The following MICAL2 variants were observed in gnomAD, a reference collection of about 807,000 sequenced individuals.
MICAL2 encodes microtubule associated monooxygenase, calponin and LIM domain containing 2, also known as [F-actin]-monooxygenase MICAL2.
Under a neutral mutation model 127.3 loss-of-function variants are expected in MICAL2, and 77 were observed. The observed-to-expected ratio is 0.60, with a 90% confidence interval of 0.50 to 0.73. The LOEUF (loss-of-function observed/expected upper bound fraction) is 0.73. Among genes scored for constraint, MICAL2 ranks in the 30% least tolerant of loss-of-function variants. The pLI, the probability that MICAL2 is intolerant of heterozygous loss-of-function variation, is 0.00. For missense variants in MICAL2, 1,351 were observed against 1,434.4 expected (o/e 0.94, Z 0.94); for synonymous variants, 570 against 551.1 (o/e 1.03, Z -0.48).
At chr11:12,222,325 G>A (rs898049520) in intron 10 of MICAL2, among the ~76,000 whole-genome samples, 5 of 152,318 alleles carry the variant, frequency 3.3e-5, no homozygotes, top group African/African-American at 1.2e-4. Flanking sequence ...GGCTGAACAT[G>A]GTTATGGCAA....
At position 12,147,284 on chromosome 11, in the gene MICAL2, G is replaced by A. The variant is rs180926676; in HGVS notation, c.-78+8824G>A. On this transcript the variant is annotated intron_variant, in intron 2 of 27. Coordinates refer to ENST00000683283, the MANE Select transcript of MICAL2 (RefSeq NM_001282663.2). ...GAACTCTAAAGGTGCTACCATGGAA[G>A]CAGTTCCATCCCTCCTGAGCCAGAT... Among the ~76,000 whole-genome samples, 41 of 152,238 alleles carry A rather than the reference G, an allele frequency of 2.7e-4. No homozygotes were observed. In the East Asian group the frequency reaches 5.2e-3, roughly 19 times the overall value.
chr11:12,270,694 T>G (rs913797844), intron 24 of MICAL2, among the ~76,000 whole-genome samples: 7 of 152,216 alleles, frequency 4.6e-5, no homozygotes, highest in African/African-American at 1.7e-4. Flanking sequence ...GCCGCTTTCT[T>G]TCTCAACTTT....
chr11:12,270,774 C>G (rs866685344), intron 24 of MICAL2, among the ~76,000 whole-genome samples: 2 of 152,162 alleles, frequency 1.3e-5, no homozygotes, highest in African/African-American at 4.8e-5. Flanking sequence ...TGACATTGGT[C>G]AAGTGTGATA....
chr11:12,255,014 GT>G (rs1460630084), intron 22 of MICAL2: 1 of 149,828 alleles, frequency 6.7e-6, no homozygotes, highest in Non-Finnish European at 1.5e-5. Context: ...TGCCTCCCAG[GT>G]TCAAGTGATT....
intron 6 of MICAL2, 134 bp downstream of exon 6, chr11:12,209,732 C>A: frequency 1.3e-6 from 1 of 744,722 alleles, no homozygotes; most frequent in South Asian, 1.6e-5. Flanking sequence ...GGCAGACCAT[C>A]CTGTCCCTCT....
Position 12,162,329 on chromosome 11 carries a change from C to T in MICAL2, c.174C>T (p.Thr58=). 1.9e-6 allele frequency: 3 copies of T among 1,614,216 alleles called. No individual in the cohort carries two copies. ...ATTCCAAGCTCAAGTCCAAGGTGAC[C>T]ACCTGGAAAGCCAAAGCCCTGTGGT... is the stretch of plus-strand genomic sequence containing the variant. The part of the protein sequence containing the change: ...NFYSKLKSKV[T]TWKAKALWYK... Residue 58 remains threonine (T), a synonymous_variant, in exon 3 of 28, where the codon ACC becomes ACT. Coordinates refer to ENST00000683283, the MANE Select transcript of MICAL2 (RefSeq NM_001282663.2).
At chr11:12,278,885 C>G (rs955778884) in intron 1 of MICAL2, among the ~76,000 whole-genome samples, 1 of 152,100 alleles carries the variant, frequency 6.6e-6, no homozygotes, top group Non-Finnish European at 1.5e-5. Context: ...GTTTTGGGCA[C>G]GTTGGGTTTG....
At chr11:12,272,740 T>C (rs1163388008), upstream of MICAL2, among the ~76,000 whole-genome samples, 1 of 152,176 alleles carries the variant, frequency 6.6e-6, no homozygotes, top group East Asian at 1.9e-4. Context: ...CTGGGTTGGC[T>C]CCAGGCTATA....
At chr11:12,172,296 AATGCCTGACACATAAC>A (rs1373515668) in intron 3 of MICAL2, among the ~76,000 whole-genome samples, 1 of 152,202 alleles carries the variant, frequency 6.6e-6, no homozygotes, top group East Asian at 1.9e-4. Context: ...CACCTAGGAA[AATGCCTGACACATAAC>A]ATGTATTTGT....
At chr11:12,150,025 G>A (rs545441061) in intron 2 of MICAL2, among the ~76,000 whole-genome samples, 10 of 152,156 alleles carry the variant, frequency 6.6e-5, no homozygotes, top group African/African-American at 1.4e-4. Flanking sequence ...TTGATGCACC[G>A]GGTGGCCTGT....
downstream of MICAL2, chr11:12,292,102 A>G: frequency 2.5e-6 from 4 of 1,584,644 alleles, no homozygotes; most frequent in East Asian, 2.2e-5. Context: ...TGATAAAATA[A>G]TAACACCTTT....
intron 24 of MICAL2, among the ~76,000 whole-genome samples, chr11:12,270,923 CACCCGCAGAACCA>C (rs1863667437): frequency 6.6e-6 from 1 of 152,190 alleles, no homozygotes; most frequent in African/African-American, 2.4e-5. Context: ...GCAGCAATTT[CACCCGCAGAACCA>C]GGGAGTGCCG....
intron 32 of MICAL2, among the ~76,000 whole-genome samples, chr11:12,337,221 A>AT (rs1172396393): frequency 3.3e-5 from 5 of 151,846 alleles, no homozygotes; most frequent in Non-Finnish European, 7.4e-5. Context: ...TTTCTTCTAG[A>AT]TTTTCTAGTT....
At chr11:12,232,663 A>G (rs922760524) in intron 15 of MICAL2, among the ~76,000 whole-genome samples, 9 of 152,220 alleles carry the variant, frequency 5.9e-5, no homozygotes, top group Non-Finnish European at 1.3e-4. Flanking sequence ...CAGAGGTTGC[A>G]GTGAGCCAAG....
At chr11:12,276,022 C>G (rs941097587), upstream of MICAL2, 2 of 399,260 alleles carry the variant, frequency 5.0e-6, no homozygotes, top group African/African-American at 4.1e-5. Flanking sequence ...AAGAGCATCT[C>G]TGAGCCACAG....
chr11:12,291,317 G>A (rs1863896369), downstream of MICAL2, among the ~76,000 whole-genome samples: 2 of 152,176 alleles, frequency 1.3e-5, no homozygotes, highest in African/African-American at 4.8e-5. Context: ...CTTGAGGGGA[G>A]GAAGGGGAGA....
chr11:12,290,866 G>C (rs550708167), downstream of MICAL2, among the ~76,000 whole-genome samples: 1 of 152,288 alleles, frequency 6.6e-6, no homozygotes, highest in Admixed American at 6.5e-5. Flanking sequence ...TGGCCTCCTG[G>C]GGGTGGAGGG....
intron 3 of MICAL2, among the ~76,000 whole-genome samples, chr11:12,170,477 T>C (rs1481698029): frequency 6.6e-6 from 1 of 152,152 alleles, no homozygotes; most frequent in Non-Finnish European, 1.5e-5. Context: ...AAGTTTGCTG[T>C]ATCAGTAAAA....
downstream of MICAL2, among the ~76,000 whole-genome samples, chr11:12,360,517 A>G (rs900561726): frequency 5.3e-5 from 8 of 152,252 alleles, no homozygotes; most frequent in Non-Finnish European, 1.2e-4. Flanking sequence ...ATGCAGCAAT[A>G]TTCAGGCCCC....
Sources: gnomAD v4.1 joint callset for allele counts (sites outside exome capture counted in the v4.1 genomes callset) on GRCh38, gnomAD v4.1.1 for gene constraint, MANE v1.5 for transcripts, NCBI Gene and HGNC (gene_info 2026-07-23, HGNC 2026-07-21) for gene names.